DYM: variants seen among roughly 807,000 people sequenced by gnomAD.
DYM encodes the protein dymeclin.
In DYM, 78 loss-of-function variants were observed where a neutral mutation model predicts 93.1. The ratio of observed to expected loss-of-function variants is 0.84; its 90% confidence interval spans 0.70 to 1.01. DYM has a LOEUF of 1.01. DYM is among the 50% of genes least tolerant of loss of function. DYM has a pLI of 0.00. For missense variants in DYM, 789 were observed against 845.0 expected (o/e 0.93, Z 0.82); for synonymous variants, 321 against 319.7 (o/e 1.00, Z -0.04).
chr18:49,403,118 T>C (rs190792603), intron 2 of DYM, among the ~76,000 whole-genome samples: 5 of 151,984 alleles, frequency 3.3e-5, no homozygotes, highest in Admixed American at 2.6e-4. Context: ...CTGTCAAATA[T>C]TTATTTATTT....
chr18:49,248,167 T>C (rs1393860088), intron 13 of DYM, among the ~76,000 whole-genome samples: 1 of 152,268 alleles, frequency 6.6e-6, no homozygotes, highest in Non-Finnish European at 1.5e-5. Flanking sequence ...TCAGATCTCC[T>C]ACCAATCTAC....
chr18:49,333,754 G>A lies in DYM; in HGVS notation c.594C>T (p.Ser198=), dbSNP rs200841116. 2 of 1,613,940 alleles carry A rather than the reference G, an allele frequency of 1.2e-6. No homozygotes were observed. Among genetic ancestry groups the A allele is most frequent in the East Asian group, 2.2e-5 (1 of 44,866 alleles). The change falls in exon 7 of 18, where the codon AGC becomes AGT. Residue 198 remains serine, a synonymous_variant. Coordinates refer to ENST00000675505, the MANE Select transcript of DYM (RefSeq NM_001353214.3). ...ATGGACCTCGCATCAAATACTTGTG[G>A]CTGATGCTCTGTCGCAAAACTTCTT... The part of the protein sequence containing the change: ...FHKEVLRQSI[S]HKYLMRGPCL...
chr18:49,105,828 G>C (rs1033442464), intron 16 of DYM, among the ~76,000 whole-genome samples: 6 of 152,164 alleles, frequency 3.9e-5, no homozygotes, highest in Admixed American at 2.0e-4. Context: ...TTACTTCCAA[G>C]TAAGTGGTCA....
At chr18:49,092,809 A>C (rs185831826) in intron 17 of DYM, among the ~76,000 whole-genome samples, 1 of 152,298 alleles carries the variant, frequency 6.6e-6, no homozygotes. Context: ...AAATACAGGA[A>C]AACCAACTAG....
rs112856927 is a variant in DYM, at chr18:49,350,575, G to A, written c.494+12586C>T. ...ACAAAACTAAACTGAGCATGGTGGC[G>A]GGCGCCTGTAATTCCAGCTACCTGG... On this transcript the variant is annotated intron_variant, in intron 6 of 17. Transcript: ENST00000675505. 4.1e-4 allele frequency among the ~76,000 whole-genome samples: 63 copies of A among 151,948 alleles called. 1 individual carries two copies. Among genetic ancestry groups the A allele is most frequent in the African/African-American group, 1.1e-3 (44 of 41,452 alleles).
chr18:49,252,640 T>A lies in DYM; in HGVS notation c.1460+4370A>T, dbSNP rs946441547. ...CAGTAGATAAAGTCATAGACATATA[T>A]GTGATCTCCCAGAGAAAATGTGTAA... On this transcript the variant is annotated intron_variant, in intron 13 of 17. Transcript: ENST00000675505. Among the ~76,000 whole-genome samples, 2 of 152,084 alleles carry A rather than the reference T, an allele frequency of 1.3e-5. 1 individual carries two copies. The highest frequency in any genetic ancestry group is 1.3e-4 in the Admixed American group (2 of 15,250).
At chr18:49,350,209 C>T (rs2064986828) in intron 6 of DYM, among the ~76,000 whole-genome samples, 4 of 152,032 alleles carry the variant, frequency 2.6e-5, no homozygotes, top group Non-Finnish European at 4.4e-5. Flanking sequence ...CATGAATATT[C>T]ATTGGAGTGT....
chr18:49,422,664 G>T (rs146024303), intron 2 of DYM, among the ~76,000 whole-genome samples: 2,861 of 152,220 alleles, frequency 0.019, 28 homozygotes, highest in Non-Finnish European at 0.028. Flanking sequence ...CTCACGTGCA[G>T]AGACACAAAT....
At chr18:49,292,095 A>C (rs2060148144) in intron 8 of DYM, among the ~76,000 whole-genome samples, 2 of 152,104 alleles carry the variant, frequency 1.3e-5, no homozygotes, top group African/African-American at 2.4e-5. Context: ...GATCCTCTTC[A>C]CAGTTGCTCA....
intron 6 of DYM, among the ~76,000 whole-genome samples, chr18:49,346,874 A>C (rs2147099159): frequency 6.6e-6 from 1 of 152,294 alleles, no homozygotes; most frequent in South Asian, 2.1e-4. Context: ...ATCTACTGTA[A>C]GTTGAAAGTA....
intron 13 of DYM, among the ~76,000 whole-genome samples, chr18:49,237,313 T>C (rs2093899239): frequency 6.6e-6 from 1 of 152,224 alleles, no homozygotes; most frequent in Non-Finnish European, 1.5e-5. Flanking sequence ...TGTCGTAATA[T>C]ATGGCATTAG....
intron 6 of DYM, among the ~76,000 whole-genome samples, chr18:49,338,026 G>A (rs1568276516): frequency 6.6e-6 from 1 of 152,068 alleles, no homozygotes; most frequent in Non-Finnish European, 1.5e-5. Context: ...TAATAAAATG[G>A]AAAAAGTATG....
intron 10 of DYM, among the ~76,000 whole-genome samples, chr18:49,279,869 G>A (rs76854258): frequency 0.032 from 4,815 of 152,104 alleles, 117 homozygotes; most frequent in South Asian, 0.076. Context: ...CACACTTTTT[G>A]TTCTTAGTGT....
intron 2 of DYM, among the ~76,000 whole-genome samples, chr18:49,391,938 A>C (rs1237559307): frequency 2.0e-5 from 3 of 152,214 alleles, no homozygotes; most frequent in Non-Finnish European, 4.4e-5. Context: ...AGGCACTCCA[A>C]AGTAGAGAGC....
intron 11 of DYM, among the ~76,000 whole-genome samples, chr18:49,263,637 G>C (rs948095839): frequency 1.3e-5 from 2 of 151,776 alleles, no homozygotes; most frequent in Non-Finnish European, 2.9e-5. Context: ...GGCAGAGGCA[G>C]AGAATTGCTT....
intron 6 of DYM, among the ~76,000 whole-genome samples, chr18:49,338,648 C>T (rs1239251954): frequency 6.6e-6 from 1 of 152,146 alleles, no homozygotes; most frequent in Non-Finnish European, 1.5e-5. Flanking sequence ...ACGATTACTC[C>T]ACAAATCAAT....
At chr18:49,214,947 A>G (rs964156547) in intron 13 of DYM, among the ~76,000 whole-genome samples, 2 of 152,190 alleles carry the variant, frequency 1.3e-5, no homozygotes, top group African/African-American at 4.8e-5. Context: ...ATCATGTGCA[A>G]GATCTATCCA....
At chr18:49,257,966 A>C (rs2145159533) in intron 12 of DYM, among the ~76,000 whole-genome samples, 1 of 152,322 alleles carries the variant, frequency 6.6e-6, no homozygotes, top group Non-Finnish European at 1.5e-5. Flanking sequence ...GGTACTGTGA[A>C]GAGAATCCAG....
intron 8 of DYM, among the ~76,000 whole-genome samples, chr18:49,318,151 T>G (rs908703080): frequency 5.9e-5 from 9 of 152,204 alleles, no homozygotes; most frequent in African/African-American, 2.2e-4. Flanking sequence ...GGAGCCACCA[T>G]TGCTTACAGC....
Sources: allele counts gnomAD v4.1 joint callset (sites outside exome capture counted in the v4.1 genomes callset), GRCh38; gene constraint gnomAD v4.1.1; transcripts MANE v1.5; gene names NCBI Gene and HGNC (gene_info 2026-07-23, HGNC 2026-07-21).